The following AGPAT3 variants were observed in gnomAD, a reference collection of about 807,000 sequenced individuals.
AGPAT3 encodes 1-acyl-sn-glycerol-3-phosphate acyltransferase gamma.
A neutral mutation model predicts 47.3 loss-of-function variants in AGPAT3; 5 were observed. That is an observed-to-expected ratio of 0.11 (90% CI 0.06 to 0.22). The LOEUF (loss-of-function observed/expected upper bound fraction) is 0.22. Among genes scored for constraint, AGPAT3 ranks in the 10% least tolerant of loss-of-function variants. The pLI, the probability that AGPAT3 is intolerant of heterozygous loss-of-function variation, is 1.00. For missense variants in AGPAT3, 315 were observed against 493.0 expected (o/e 0.64, Z 3.42); for synonymous variants, 212 against 208.3 (o/e 1.02, Z -0.15).
rs2088376668 is a variant in AGPAT3 at position 43,955,052 on chromosome 21, T to C, written c.-48-4582T>C. 8.2e-7 allele frequency: 1 copy of C among 1,220,830 alleles called. No individual in the cohort carries two copies. Among genetic ancestry groups the C allele is most frequent in the Admixed American group, 2.7e-5 (1 of 36,492 alleles). The allele number at this position is 1,220,830 out of a possible 1,614,324, so 75.6% of individuals were successfully genotyped here. A position where few individuals can be genotyped will look rare whatever the true frequency, so the allele number is the denominator to read the frequency against. ...TGAATGTGCATCACGGCTCTATCTG[T>C]GGCCCCCAAAGGCTGGGTGCCAGCT... is the stretch of plus-strand genomic sequence containing the variant. On this transcript the variant is annotated intron_variant, in intron 2 of 9. Transcript: ENST00000291572. The surrounding 1 kb of genome is among the most constrained non-coding windows in gnomAD (Gnocchi z 4.1).
At chr21:43,911,376 A>C (rs980196325) in intron 2 of AGPAT3, among the ~76,000 whole-genome samples, 1 of 151,894 alleles carries the variant, frequency 6.6e-6, no homozygotes, top group Non-Finnish European at 1.5e-5. Context: ...TGATTTGGAA[A>C]GTGTCCTAGA....
chr21:43,978,009 G>C, intron 7 of AGPAT3, 37 bp from the exon 8 acceptor site: 1 of 1,556,852 alleles, frequency 6.4e-7, no homozygotes, highest in Non-Finnish European at 8.8e-7. Flanking sequence ...AGGTCATGTG[G>C]TGATTCACCC....
intron 2 of AGPAT3, among the ~76,000 whole-genome samples, chr21:43,949,266 G>A (rs73371191): frequency 0.047 from 7,170 of 152,216 alleles, 496 homozygotes; most frequent in African/African-American, 0.14. Context: ...CATCATGTCG[G>A]GGGGCCCTCA....
chr21:43,883,950 G>C (rs1299127016), intron 1 of AGPAT3, among the ~76,000 whole-genome samples: 1 of 151,970 alleles, frequency 6.6e-6, no homozygotes, highest in Non-Finnish European at 1.5e-5. Context: ...GGCTGGTCTT[G>C]AACTCCTGAG....
intron 1 of AGPAT3, among the ~76,000 whole-genome samples, chr21:43,889,298 T>C (rs1426588954): frequency 6.6e-6 from 1 of 151,618 alleles, no homozygotes; most frequent in Non-Finnish European, 1.5e-5. Context: ...TTTTTTTTTT[T>C]TTTAATGTTT....
intron 7 of AGPAT3, among the ~76,000 whole-genome samples, chr21:43,976,287 G>A (rs1323591883): frequency 2.0e-5 from 3 of 152,044 alleles, no homozygotes; most frequent in African/African-American, 4.8e-5. Context: ...GGCTGGTCTC[G>A]AACTCCTGAG....
At chr21:43,917,572 A>T (rs961298746) in intron 2 of AGPAT3, among the ~76,000 whole-genome samples, 5 of 152,134 alleles carry the variant, frequency 3.3e-5, no homozygotes, top group Non-Finnish European at 1.5e-5. Context: ...AAAGAAAGTG[A>T]CTTTATTCCA....
intron 2 of AGPAT3, among the ~76,000 whole-genome samples, chr21:43,951,754 G>A (rs1174279633): frequency 1.3e-5 from 2 of 152,226 alleles, no homozygotes; most frequent in Non-Finnish European, 2.9e-5. Context: ...TCATAGAAAC[G>A]AAGTTGCCGT....
intron 2 of AGPAT3, among the ~76,000 whole-genome samples, chr21:43,928,503 A>T (rs1474285135): frequency 6.6e-6 from 1 of 152,122 alleles, no homozygotes; most frequent in East Asian, 1.9e-4. Flanking sequence ...CCGCCTGGGG[A>T]CAGAGGCCTC....
intron 7 of AGPAT3, among the ~76,000 whole-genome samples, chr21:43,973,441 G>A (rs1028756422): frequency 5.9e-5 from 9 of 152,230 alleles, no homozygotes; most frequent in Non-Finnish European, 1.5e-5. Context: ...TCATCCTTGG[G>A]TGGTTAGTGG....
At chr21:43,918,588 CTT>C (rs35297249) in intron 2 of AGPAT3, among the ~76,000 whole-genome samples, 172 of 130,354 alleles carry the variant, frequency 1.3e-3, no homozygotes, top group Admixed American at 1.6e-3. Context: ...AGACTGCTGG[CTT>C]TTTTTTTTTT....
chr21:43,930,441 G>T lies in AGPAT3; in HGVS notation c.-49+26422G>T, dbSNP rs2087203661. Reference sequence around the variant, plus strand: ...TGCCACTGAGTGTGACCTCAGGGTTGCCCGTGCGACCTCAGCGTGGCCCAT... The same window carrying T: ...TGCCACTGAGTGTGACCTCAGGGTTTCCCGTGCGACCTCAGCGTGGCCCAT... On this transcript the variant is annotated intron_variant, in intron 2 of 9. Coordinates refer to ENST00000291572, the MANE Select transcript of AGPAT3 (RefSeq NM_020132.5). This position sits in a 1 kb window ranked among gnomAD's most constrained non-coding sequence, Gnocchi z 5.0. 6.6e-6 allele frequency among the ~76,000 whole-genome samples: 1 copy of T among 152,202 alleles called. No homozygotes were observed. Among genetic ancestry groups the T allele is most frequent in the Non-Finnish European group, 1.5e-5 (1 of 68,032 alleles).
chr21:43,971,291 G>C lies in AGPAT3; in HGVS notation c.665-97G>C, dbSNP rs1040796379. ...CAGACCCCTCACGCGTTCTCCCCAGGACGGGGCCGGGTCCCAGGTGGAACT... is the reference window on the plus strand; with the variant it reads ...CAGACCCCTCACGCGTTCTCCCCAGCACGGGGCCGGGTCCCAGGTGGAACT... On this transcript the variant is annotated intron_variant, in intron 6 of 9. Coordinates refer to ENST00000291572, the MANE Select transcript of AGPAT3 (RefSeq NM_020132.5). 6.7e-6 allele frequency: 7 copies of C among 1,048,090 alleles called. No homozygotes were observed. The Admixed American group carries it at 1.2e-4, about 18-fold the overall frequency. 64.9% of individuals were successfully genotyped at this position (1,048,090 alleles called of 1,614,324 possible).
intron 1 of AGPAT3, among the ~76,000 whole-genome samples, chr21:43,902,548 C>T (rs1286150921): frequency 1.3e-5 from 2 of 152,206 alleles, no homozygotes; most frequent in African/African-American, 4.8e-5. Context: ...AGGGCCTCTT[C>T]CTGGTTGTGC....
chr21:43,877,886 C>A (rs1215276535), intron 1 of AGPAT3, among the ~76,000 whole-genome samples: 1 of 151,972 alleles, frequency 6.6e-6, no homozygotes, highest in Non-Finnish European at 1.5e-5. Flanking sequence ...CCATCTATGA[C>A]CCCCTTCCTC....
chr21:43,931,124 A>T (rs1275535564), intron 2 of AGPAT3, among the ~76,000 whole-genome samples: 1 of 152,132 alleles, frequency 6.6e-6, no homozygotes, highest in African/African-American at 2.4e-5. Context: ...ACCCGGGGTC[A>T]GGGCGGACAC....
intron 7 of AGPAT3, among the ~76,000 whole-genome samples, chr21:43,974,631 TATGTG>T (rs2089534874): frequency 6.6e-6 from 1 of 151,536 alleles, no homozygotes; most frequent in Non-Finnish European, 1.5e-5. Flanking sequence ...ATGTGTTTGA[TATGTG>T]TGGTGTGGTG....
intron 2 of AGPAT3, among the ~76,000 whole-genome samples, chr21:43,942,109 G>T (rs573584191): frequency 6.6e-6 from 1 of 152,252 alleles, no homozygotes; most frequent in African/African-American, 2.4e-5. Context: ...GGCCTGCGCC[G>T]TGGCAGCGTA....
intron 1 of AGPAT3, among the ~76,000 whole-genome samples, chr21:43,899,764 C>T (rs914867034): frequency 7.2e-5 from 11 of 152,192 alleles, no homozygotes; most frequent in African/African-American, 1.9e-4. Flanking sequence ...GCAGCTGCCT[C>T]GGCCCCGGTT....
Sources: gnomAD v4.1 joint callset for allele counts (sites outside exome capture counted in the v4.1 genomes callset) on GRCh38, gnomAD v4.1.1 for gene constraint, Gnocchi (gnomAD v3.1) non-coding constraint, MANE v1.5 for transcripts, NCBI Gene and HGNC (gene_info 2026-07-23, HGNC 2026-07-21) for gene names.